RB1: variants seen among roughly 807,000 people sequenced by gnomAD.
The protein encoded by RB1 is RB transcriptional corepressor 1, also known as retinoblastoma-associated protein.
RB1 carries 18 observed loss-of-function variants against 135.4 expected under a neutral mutation model. That is an observed-to-expected ratio of 0.13 (90% CI 0.09 to 0.20). The LOEUF (loss-of-function observed/expected upper bound fraction) is 0.20, where lower values mean the gene tolerates loss of function less well. RB1 is among the 10% of genes least tolerant of loss of function. The pLI is 1.00. For missense variants in RB1, 868 were observed against 1,110.0 expected (o/e 0.78, Z 3.10); for synonymous variants, 365 against 373.2 (o/e 0.98, Z 0.25).
At chr13:48,321,483 T>C (rs190102030) in intron 2 of RB1, among the ~76,000 whole-genome samples, 1 of 151,856 alleles carries the variant, frequency 6.6e-6, no homozygotes, top group East Asian at 2.0e-4. Context: ...TCATTATGGT[T>C]TTAATTGGTA....
chr13:48,408,187 A>C (rs1477991738), intron 17 of RB1, among the ~76,000 whole-genome samples: 1 of 152,124 alleles, frequency 6.6e-6, no homozygotes, highest in African/African-American at 2.4e-5. Context: ...ACTTTTCAGC[A>C]TTTTGAATGT....
In RB1 at chr13:48,401,757, G is replaced by A. The variant is rs186577659; in HGVS notation, c.1695+20314G>A. On this transcript the variant is annotated intron_variant, in intron 17 of 26. Coordinates refer to ENST00000267163, the MANE Select transcript of RB1 (RefSeq NM_000321.3). ...GAACATGATAAGGAAACGTAGAATAGGAAACAGCTGGATTTGTTTCTTAGC... is the reference window on the plus strand; with the variant it reads ...GAACATGATAAGGAAACGTAGAATAAGAAACAGCTGGATTTGTTTCTTAGC... Among the ~76,000 whole-genome samples, 6 of 152,224 alleles carry A rather than the reference G, an allele frequency of 3.9e-5. No individual in the cohort carries two copies. The East Asian group carries it at 1.2e-3, about 29-fold the overall frequency.
chr13:48,422,371 TG>T (rs1949019472), intron 17 of RB1, among the ~76,000 whole-genome samples: 1 of 151,850 alleles, frequency 6.6e-6, no homozygotes, highest in Non-Finnish European at 1.5e-5. Context: ...CTGTCGGGGT[TG>T]GGGGTTAGAG....
intron 2 of RB1, chr13:48,318,872 T>A: frequency 8.8e-7 from 1 of 1,139,566 alleles, no homozygotes; most frequent in Non-Finnish European, 1.3e-6. Flanking sequence ...TCAAAACGTC[T>A]GGATTTCCTG....
chr13:48,438,052 G>C (rs1949201484), intron 17 of RB1, among the ~76,000 whole-genome samples: 1 of 152,050 alleles, frequency 6.6e-6, no homozygotes, highest in East Asian at 1.9e-4. Context: ...TATATGCTTG[G>C]CACTGGAATT....
At chr13:48,364,146 T>C (rs1010554394) in intron 8 of RB1, among the ~76,000 whole-genome samples, 2 of 152,162 alleles carry the variant, frequency 1.3e-5, no homozygotes, top group African/African-American at 2.4e-5. Context: ...ATTGCATGGG[T>C]CCGTTTATAC....
At position 48,319,417 on chromosome 13, in the gene RB1, C is replaced by A; in HGVS notation, c.264+12011C>A. 1 of 378,218 alleles carries A rather than the reference C, an allele frequency of 2.6e-6. No individual in the cohort carries two copies. The allele number at this position is 378,218 out of a possible 1,614,324, so 23.4% of individuals were successfully genotyped here. A position where few individuals can be genotyped will look rare whatever the true frequency, so the allele number is the denominator to read the frequency against. On this transcript the variant is annotated intron_variant, in intron 2 of 26. Transcript: ENST00000267163. The surrounding 1 kb of genome is among the most constrained non-coding windows in gnomAD (Gnocchi z 5.0). ...TCGTTGCTGCTGGAGTCTGACGCCT[C>A]GGGCGCCTGCGCCGCACTTGTGACT... is the stretch of plus-strand genomic sequence containing the variant.
At chr13:48,383,715 C>A (rs112293295) in intron 17 of RB1, among the ~76,000 whole-genome samples, 50 of 152,078 alleles carry the variant, frequency 3.3e-4, no homozygotes, top group Non-Finnish European at 6.3e-4. Context: ...AATGAATTTA[C>A]ACTTGATAAG....
chr13:48,312,137 C>T (rs1324811068), intron 2 of RB1, among the ~76,000 whole-genome samples: 3 of 152,112 alleles, frequency 2.0e-5, no homozygotes, highest in African/African-American at 7.2e-5. Flanking sequence ...TCTGCAGTGT[C>T]CACATATCGA....
At chr13:48,432,795 T>C (rs773133397) in intron 17 of RB1, among the ~76,000 whole-genome samples, 1 of 152,004 alleles carries the variant, frequency 6.6e-6, no homozygotes, top group Non-Finnish European at 1.5e-5. Flanking sequence ...ATTTATAATA[T>C]AGGAGAGATA....
chr13:48,368,611 A>C lies in RB1; in HGVS notation c.1127+7A>C. On this transcript the variant is annotated splice_region_variant and intron_variant, in intron 11 of 26. Coordinates refer to ENST00000267163, the MANE Select transcript of RB1 (RefSeq NM_000321.3). ...CTCCACACACTCCAGTTAGGTATGA[A>C]TTTTCCTACTTTTAATTATATTATA... The C allele has an allele frequency of 1.2e-6, 2 of 1,611,884 alleles. No individual in the cohort carries two copies. The highest frequency in any genetic ancestry group is 1.7e-6 in the Non-Finnish European group (2 of 1,179,160).
chr13:48,414,650 A>G (rs936892045), intron 17 of RB1, among the ~76,000 whole-genome samples: 5 of 144,758 alleles, frequency 3.5e-5, no homozygotes, highest in Non-Finnish European at 7.8e-5. Context: ...TAGCTTAAAA[A>G]TAACTTATTA....
chr13:48,316,312 G>C (rs959189729), intron 2 of RB1, among the ~76,000 whole-genome samples: 1 of 151,746 alleles, frequency 6.6e-6, no homozygotes, highest in South Asian at 2.1e-4. Context: ...GCTGTCCTGC[G>C]AGCTTCCCGA....
intron 17 of RB1, among the ~76,000 whole-genome samples, chr13:48,398,683 G>A (rs1948666953): frequency 6.6e-6 from 1 of 152,004 alleles, no homozygotes; most frequent in Non-Finnish European, 1.5e-5. Context: ...CTGGTTTCTA[G>A]TAAAGGTCTC....
At chr13:48,465,445 C>T (rs899270693) in intron 23 of RB1, 77 bp downstream of exon 23, 60 of 1,363,592 alleles carry the variant, frequency 4.4e-5, no homozygotes, top group Admixed American at 8.9e-5. Flanking sequence ...AAATATAAAG[C>T]ATTCTTCATT....
intron 17 of RB1, among the ~76,000 whole-genome samples, chr13:48,385,673 A>G (rs1948566053): frequency 6.6e-6 from 1 of 152,186 alleles, no homozygotes; most frequent in Non-Finnish European, 1.5e-5. Flanking sequence ...CCTGTGTGTC[A>G]CAGACTCAGA....
At chr13:48,478,601 G>A in intron 26 of RB1, among the ~76,000 whole-genome samples, 1 of 152,188 alleles carries the variant, frequency 6.6e-6, no homozygotes, top group Non-Finnish European at 1.5e-5. Flanking sequence ...ATTTCCCAGT[G>A]ACACACTTAG....
intron 17 of RB1, chr13:48,412,327 T>C (rs1060585): frequency 2.5e-6 from 4 of 1,613,328 alleles, no homozygotes; most frequent in Non-Finnish European, 3.4e-6. Context: ...CAATTGGATA[T>C]TAACCCAAGC....
intron 17 of RB1, among the ~76,000 whole-genome samples, chr13:48,433,706 G>T (rs1282557539): frequency 7.0e-6 from 1 of 142,752 alleles, no homozygotes; most frequent in Non-Finnish European, 1.5e-5. Flanking sequence ...ACCTTTAGTA[G>T]GTATGCATTG....
Sources: gnomAD v4.1 joint callset for allele counts (sites outside exome capture counted in the v4.1 genomes callset) on GRCh38, gnomAD v4.1.1 for gene constraint, Gnocchi (gnomAD v3.1) non-coding constraint, MANE v1.5 for transcripts, NCBI Gene and HGNC (gene_info 2026-07-23, HGNC 2026-07-21) for gene names.